DNAJC1: variants seen among roughly 807,000 people sequenced by gnomAD.
DNAJC1 encodes dnaJ homolog subfamily C member 1.
In DNAJC1, 58 loss-of-function variants were observed where a neutral mutation model predicts 76.6. The observed-to-expected ratio is 0.76, with a 90% CI of 0.61 to 0.94. The LOEUF (loss-of-function observed/expected upper bound fraction) is 0.94, where lower values mean the gene tolerates loss of function less well. Ranked by LOEUF, DNAJC1 falls within the 40% of genes least tolerant of loss-of-function variation. The pLI is 0.00. For synonymous variants in DNAJC1, 258 were observed against 267.9 expected, an observed-to-expected ratio of 0.96 and a Z score of 0.36; for missense variants, 689 against 677.3, an observed-to-expected ratio of 1.02 and a Z score of -0.19.
chr10:21,785,029 A>G (rs1207244946), intron 9 of DNAJC1, among the ~76,000 whole-genome samples: 3 of 152,190 alleles, frequency 2.0e-5, no homozygotes, highest in South Asian at 2.1e-4. Flanking sequence ...GTGCACATGT[A>G]CCCTAGAACT....
intron 9 of DNAJC1, among the ~76,000 whole-genome samples, chr10:21,781,507 G>T (rs1834526901): frequency 6.6e-6 from 1 of 152,060 alleles, no homozygotes; most frequent in Admixed American, 6.6e-5. Context: ...AGATCACGAG[G>T]TCAGGAGATC....
At chr10:21,905,337 G>A (rs776821038) in intron 6 of DNAJC1, among the ~76,000 whole-genome samples, 7 of 150,852 alleles carry the variant, frequency 4.6e-5, no homozygotes, top group East Asian at 3.9e-4. Flanking sequence ...ATGAGATCCC[G>A]ACAATGAAAA....
chr10:21,847,869 C>T (rs1475931880), intron 8 of DNAJC1, among the ~76,000 whole-genome samples: 1 of 152,018 alleles, frequency 6.6e-6, no homozygotes, highest in Non-Finnish European at 1.5e-5. Flanking sequence ...CTAATGGACA[C>T]TTAGGTTGAT....
chr10:21,826,163 G>A (rs1157168525), intron 8 of DNAJC1, among the ~76,000 whole-genome samples: 1 of 133,630 alleles, frequency 7.5e-6, no homozygotes. Flanking sequence ...GCTTGAACCT[G>A]GGAGGCAGAG....
chr10:21,965,142 T>G (rs937712702), intron 1 of DNAJC1, among the ~76,000 whole-genome samples: 1 of 152,200 alleles, frequency 6.6e-6, no homozygotes, highest in African/African-American at 2.4e-5. Flanking sequence ...TCACATTTTC[T>G]ATATCTCAGT....
chr10:21,989,049 AC>A (rs1838291705), intron 1 of DNAJC1, among the ~76,000 whole-genome samples: 1 of 152,072 alleles, frequency 6.6e-6, no homozygotes, highest in Admixed American at 6.5e-5. Flanking sequence ...TGACTGTTTT[AC>A]CCCCAGACTT....
intron 1 of DNAJC1, among the ~76,000 whole-genome samples, chr10:21,949,925 A>C (rs1282659849): frequency 6.6e-6 from 1 of 151,982 alleles, no homozygotes; most frequent in Non-Finnish European, 1.5e-5. Context: ...AATTTGCTTC[A>C]GTTTTTGCTT....
At chr10:21,761,429 C>T (rs535017298) in intron 10 of DNAJC1, among the ~76,000 whole-genome samples, 6 of 151,522 alleles carry the variant, frequency 4.0e-5, no homozygotes, top group Admixed American at 1.3e-4. Context: ...TGTGGTGGCA[C>T]GTGCCTGTAA....
At chr10:21,837,815 G>A (rs1388408092) in intron 8 of DNAJC1, among the ~76,000 whole-genome samples, 5 of 130,608 alleles carry the variant, frequency 3.8e-5, no homozygotes, top group African/African-American at 5.9e-5. Flanking sequence ...CGCCCCGTCC[G>A]GGAGGGAGGT....
chr10:21,997,456 CAG>C (rs1838436720), intron 1 of DNAJC1, among the ~76,000 whole-genome samples: 2 of 152,310 alleles, frequency 1.3e-5, no homozygotes, highest in Admixed American at 1.3e-4. Context: ...CTGGTCTGGG[CAG>C]AGAGGTGCAA....
intron 9 of DNAJC1, among the ~76,000 whole-genome samples, chr10:21,776,890 TAAC>T (rs1172661500): frequency 6.6e-6 from 1 of 152,196 alleles, no homozygotes; most frequent in African/African-American, 2.4e-5. Flanking sequence ...GTGAACACCG[TAAC>T]AACATAACAC....
At chr10:21,960,148 A>T (rs1837762947) in intron 1 of DNAJC1, among the ~76,000 whole-genome samples, 1 of 152,220 alleles carries the variant, frequency 6.6e-6, no homozygotes, top group Admixed American at 6.5e-5. Context: ...AACAAAAAAC[A>T]GATGCAGTTA....
At chr10:21,842,104 G>T in intron 8 of DNAJC1, among the ~76,000 whole-genome samples, 1 of 113,580 alleles carries the variant, frequency 8.8e-6, no homozygotes, top group Non-Finnish European at 1.7e-5. Context: ...TTGTGGGGTG[G>T]GGGGAGGGGG....
At chr10:21,895,223 G>A (rs1329335891) in intron 7 of DNAJC1, among the ~76,000 whole-genome samples, 1 of 152,208 alleles carries the variant, frequency 6.6e-6, no homozygotes, top group Non-Finnish European at 1.5e-5. Context: ...GAGGAGAGCT[G>A]TAGAGAAACC....
chr10:21,904,699 T>A, intron 6 of DNAJC1, 87 bp from the exon 7 acceptor site: 2 of 679,740 alleles, frequency 2.9e-6, no homozygotes, highest in Non-Finnish European at 4.6e-6. Context: ...TAAAGCATTA[T>A]ATTCATTTTA....
At chr10:21,784,553 T>C (rs1834579891) in intron 9 of DNAJC1, among the ~76,000 whole-genome samples, 1 of 152,228 alleles carries the variant, frequency 6.6e-6, no homozygotes, top group South Asian at 2.1e-4. Context: ...TTACTGGGTA[T>C]GTACCCAAAG....
intron 8 of DNAJC1, among the ~76,000 whole-genome samples, chr10:21,829,347 G>A (rs1020069462): frequency 6.6e-6 from 1 of 152,030 alleles, no homozygotes; most frequent in East Asian, 1.9e-4. Flanking sequence ...CCGGGTAGGC[G>A]GGACTACAGG....
intron 8 of DNAJC1, among the ~76,000 whole-genome samples, chr10:21,823,044 A>C (rs142670839): frequency 6.6e-6 from 1 of 152,092 alleles, no homozygotes; most frequent in African/African-American, 2.4e-5. Context: ...ATAAGAATGC[A>C]GGCAGGGAAA....
At chr10:21,996,373 A>G (rs1838415369) in intron 1 of DNAJC1, among the ~76,000 whole-genome samples, 1 of 152,220 alleles carries the variant, frequency 6.6e-6, no homozygotes, top group Non-Finnish European at 1.5e-5. Flanking sequence ...ATTTTATCAA[A>G]CAACTTTTAT....
Sources: gnomAD v4.1 joint callset for allele counts (sites outside exome capture counted in the v4.1 genomes callset) on GRCh38, gnomAD v4.1.1 for gene constraint, MANE v1.5 for transcripts, NCBI Gene and HGNC (gene_info 2026-07-23, HGNC 2026-07-21) for gene names.